Variants in PCDHGB1 observed in about 807,000 individuals in gnomAD.
PCDHGB1 encodes the protein protocadherin gamma-B1.
A neutral mutation model predicts 56.6 loss-of-function variants in PCDHGB1; 34 were observed. The ratio of observed to expected loss-of-function variants is 0.60; its 90% CI spans 0.46 to 0.80. The LOEUF is 0.80. Ranked by LOEUF, PCDHGB1 falls within the 30% of genes least tolerant of loss-of-function variation. The pLI is 0.00. For missense variants in PCDHGB1, 1,278 were observed against 1,204.6 expected, an observed-to-expected ratio of 1.06 and a Z score of -0.90; for synonymous variants, 561 against 505.9, an observed-to-expected ratio of 1.11 and a Z score of -1.46.
rs70988800 is a variant in PCDHGB1 at position 141,379,889 on chromosome 5, C to CTTTTTTTTTTTTTTTTTTTTTTTTTTTTT, written c.2409+27222_2409+27250dup. On this transcript the variant is annotated intron_variant, in intron 1 of 3. Coordinates refer to ENST00000523390, the MANE Select transcript of PCDHGB1 (RefSeq NM_018922.3). The stretch of plus-strand genomic sequence containing the variant: ...CTTATTTTATGGTCTGTGAAAGCCT[C>CTTTTTTTTTTTTTTTTTTTTTTTTTTTTT]TTTTTTTTTTTTTTTTTTTTTTTTT... Among the ~76,000 whole-genome samples the CTTTTTTTTTTTTTTTTTTTTTTTTTTTTT allele has an allele frequency of 3.3e-4, 17 of 50,832 alleles. 3 individuals are homozygous for CTTTTTTTTTTTTTTTTTTTTTTTTTTTTT. Among genetic ancestry groups the CTTTTTTTTTTTTTTTTTTTTTTTTTTTTT allele is most frequent in the Non-Finnish European group, 5.0e-4 (13 of 25,882 alleles). 33.3% of individuals were successfully genotyped at this position (50,832 alleles called of 152,430 possible).
intron 1 of PCDHGB1, among the ~76,000 whole-genome samples, chr5:141,354,431 C>T (rs1249877001): frequency 6.6e-6 from 1 of 152,232 alleles, no homozygotes; most frequent in Non-Finnish European, 1.5e-5. Flanking sequence ...AAATTCTCTT[C>T]CCAAACCTAT....
chr5:141,396,274 C>G (rs2093362401), intron 1 of PCDHGB1: 2 of 152,252 alleles, frequency 1.3e-5, no homozygotes, highest in African/African-American at 2.4e-5. Flanking sequence ...GAGCTATGAT[C>G]ATGCCACTGC....
At chr5:141,361,026 A>G (rs1357990065) in intron 1 of PCDHGB1, 2 of 1,613,406 alleles carry the variant, frequency 1.2e-6, no homozygotes, top group Non-Finnish European at 1.7e-6. Flanking sequence ...TAAATGAAAA[A>G]ACAGGAGAAA....
chr5:141,355,979 G>A (rs1277093940), intron 1 of PCDHGB1: 28 of 1,613,680 alleles, frequency 1.7e-5, no homozygotes, highest in Non-Finnish European at 2.1e-5. Context: ...GTAGGCACTC[G>A]GCTACTCACC....
intron 1 of PCDHGB1, chr5:141,384,561 C>T (rs778010622): frequency 3.7e-6 from 6 of 1,614,254 alleles, no homozygotes; most frequent in Admixed American, 3.3e-5. Context: ...TCGTGCTGGA[C>T]CAGAATGACA....
rs533830391 is a variant in PCDHGB1, at chr5:141,492,559, C to T, written c.2410-2248C>T. 4.6e-5 allele frequency among the ~76,000 whole-genome samples: 7 copies of T among 152,292 alleles called. No homozygotes were observed. The East Asian group carries it at 1.4e-3, about 29-fold the overall frequency. The stretch of plus-strand genomic sequence containing the variant: ...GGGCTGGGCCGGGTCGCCTGGGGGG[C>T]GGCCTGAGCGAGGCGCGGGGCCAGG... On this transcript the variant is annotated intron_variant, in intron 1 of 3. Coordinates refer to ENST00000523390, the MANE Select transcript of PCDHGB1 (RefSeq NM_018922.3).
At chr5:141,399,681 C>G (rs2093865042) in intron 1 of PCDHGB1, 1 of 1,613,408 alleles carries the variant, frequency 6.2e-7, no homozygotes, top group South Asian at 1.1e-5. Flanking sequence ...CCTTTGACTA[C>G]GAGCAGCTGC....
intron 1 of PCDHGB1, chr5:141,364,342 A>G: frequency 6.5e-7 from 1 of 1,540,308 alleles, no homozygotes; most frequent in Non-Finnish European, 8.7e-7. Flanking sequence ...TGGCGAGTCC[A>G]CCTAGGGGCT....
At chr5:141,413,353 C>T (rs2095629361) in intron 1 of PCDHGB1, 2 of 1,613,844 alleles carry the variant, frequency 1.2e-6, no homozygotes, top group Middle Eastern at 1.6e-4. Context: ...GGGTCTGGCG[C>T]CCCGGGAGCT....
In PCDHGB1 at chr5:141,373,263, A is replaced by G. The variant is rs559475060; in HGVS notation, c.2409+20594A>G. Among the ~76,000 whole-genome samples, 7 of 152,368 alleles carry G rather than the reference A, an allele frequency of 4.6e-5. No homozygotes were observed. In the East Asian group the frequency reaches 1.2e-3, roughly 25 times the overall value. On this transcript the variant is annotated intron_variant, in intron 1 of 3. Coordinates refer to ENST00000523390, the MANE Select transcript of PCDHGB1 (RefSeq NM_018922.3). ...CTTCCCTTTGCATGTTTTTAAAAGT[A>G]TACACAGATGTTGCCTATGTCAGGG...
intron 1 of PCDHGB1, chr5:141,371,963 G>A: frequency 6.2e-7 from 1 of 1,613,264 alleles, no homozygotes; most frequent in Non-Finnish European, 8.5e-7. Context: ...TCGACCACGA[G>A]CAGCTGCGTG....
chr5:141,409,729 G>GCAGAGC (rs1178571616), intron 1 of PCDHGB1: 2 of 1,612,966 alleles, frequency 1.2e-6, no homozygotes, highest in African/African-American at 2.7e-5. Context: ...CAGTGAGCGC[G>GCAGAGC]CAGAGCGGGG....
intron 1 of PCDHGB1, 149 bp downstream of exon 1, chr5:141,352,818 G>T: frequency 1.2e-6 from 1 of 812,672 alleles, no homozygotes; most frequent in South Asian, 1.8e-5. Flanking sequence ...GGTAAAACCC[G>T]GTCTACTAAA....
chr5:141,372,112 C>A (rs1170751793), intron 1 of PCDHGB1: 7 of 1,613,708 alleles, frequency 4.3e-6, no homozygotes, highest in South Asian at 1.1e-5. Flanking sequence ...GAAGGCTCTG[C>A]GCTCTTCGAT....
Position 141,454,796 on chromosome 5 carries a change from A to ATTTTTTTTTTTTT in PCDHGB1, c.2410-39994_2410-39982dup, listed in dbSNP as rs61612330. On this transcript the variant is annotated intron_variant, in intron 1 of 3. Coordinates refer to ENST00000523390, the MANE Select transcript of PCDHGB1 (RefSeq NM_018922.3). ...AAGGAAATAATCCTCCATGGTTCTAATTTTTTTTTTTTTTTTTTTTTTTTT... is the reference window on the plus strand; with the variant it reads ...AAGGAAATAATCCTCCATGGTTCTAATTTTTTTTTTTTTTTTTTTTTTTTTTTTTTTTTTTTTT... Among the ~76,000 whole-genome samples the ATTTTTTTTTTTTT allele has an allele frequency of 1.7e-3, 135 of 77,462 alleles. 8 individuals carry two copies. The highest frequency in any genetic ancestry group is 2.5e-3 in the Admixed American group (14 of 5,554). The allele number at this position is 77,462 out of a possible 152,430, so 50.8% of individuals were successfully genotyped here.
In PCDHGB1 at chr5:141,489,906, C is replaced by T. The variant is rs550717535; in HGVS notation, c.2410-4901C>T. On this transcript the variant is annotated intron_variant, in intron 1 of 3. Transcript: ENST00000523390. The surrounding 1 kb of genome is among the most constrained non-coding windows in gnomAD (Gnocchi z 4.5). ...CTGTGGATGGGGGGACCCCAGCCCG[C>T]TCAGGGACCACCCTTATCTCTGTCA... 4.5e-5 allele frequency: 72 copies of T among 1,614,234 alleles called. No individual in the cohort carries two copies. In the African/African-American group the frequency reaches 5.6e-4, roughly 13 times the overall value.
At chr5:141,404,642 T>C in intron 1 of PCDHGB1, 20 of 1,614,190 alleles carry the variant, frequency 1.2e-5, no homozygotes, top group Non-Finnish European at 1.7e-5. Flanking sequence ...AGAAATCCTG[T>C]ACCCTGCCCT....
chr5:141,405,118 G>T (rs368800698), intron 1 of PCDHGB1: 1 of 1,613,946 alleles, frequency 6.2e-7, no homozygotes, highest in Non-Finnish European at 8.5e-7. Context: ...GGCACTCCTC[G>T]CATCTGCTGC....
intron 1 of PCDHGB1, among the ~76,000 whole-genome samples, chr5:141,466,436 G>A (rs181613158): frequency 1.3e-5 from 2 of 152,270 alleles, no homozygotes; most frequent in East Asian, 1.9e-4. Context: ...AAGCTGAACC[G>A]AGATGTCTAT....
Sources: allele counts gnomAD v4.1 joint callset (sites outside exome capture counted in the v4.1 genomes callset), GRCh38; gene constraint gnomAD v4.1.1; non-coding constraint Gnocchi (gnomAD v3.1); transcripts MANE v1.5; gene names NCBI Gene and HGNC (gene_info 2026-07-23, HGNC 2026-07-21).